The following XIST variants were observed in gnomAD, a reference collection of about 807,000 sequenced individuals.
XIST encodes X inactive specific transcript.
At chrX:73,827,930 T>G in exon 6 of XIST, 1 of 524,032 alleles carries the variant, frequency 1.9e-6, no homozygotes, top group East Asian at 3.5e-5. Flanking sequence ...TAAGACACAC[T>G]TTAGATAGAG....
exon 6 of XIST, chrX:73,820,941 C>A: frequency 1.8e-6 from 1 of 558,913 alleles, no homozygotes; most frequent in Admixed American, 2.2e-5. Context: ...CAGATTTATT[C>A]ATCACAACTT....
rs769899884 is a variant in XIST at position 73,844,464 on chromosome X, T to G, written n.8260A>C. The G allele has an allele frequency of 5.4e-6, 3 of 559,006 alleles. No homozygotes were observed. The South Asian group carries it at 6.7e-5, about 12-fold the overall frequency. 46.1% of individuals were successfully genotyped at this position (559,006 alleles called of 1,213,427 possible). On this transcript the variant is annotated non_coding_transcript_exon_variant, in exon 1 of 6. Coordinates refer to ENST00000429829, the Ensembl canonical transcript of XIST. ...TCAGTGATCAGCACCCCAGCTATACTGCAAAGGGGGTCTGAGAGTAGGACT... is the reference window on the plus strand; with the variant it reads ...TCAGTGATCAGCACCCCAGCTATACGGCAAAGGGGGTCTGAGAGTAGGACT...
exon 1 of XIST, chrX:73,843,670 T>C (rs1460129229): frequency 1.8e-6 from 1 of 556,772 alleles, no homozygotes; most frequent in Non-Finnish European, 3.2e-6. Context: ...GCAAAGGTGG[T>C]ACAGGAACAT....
exon 1 of XIST, chrX:73,851,330 G>C (rs766345012): frequency 3.6e-6 from 2 of 557,716 alleles, no homozygotes; most frequent in African/African-American, 4.5e-5. Context: ...ACACAGCAAA[G>C]ACAAAGAGGC....
chrX:73,826,482 A>G (rs1260603860), exon 6 of XIST: 1 of 557,764 alleles, frequency 1.8e-6, no homozygotes, highest in Non-Finnish European at 3.2e-6. Context: ...TGTGATTTAA[A>G]GCTGGCTCAA....
At position 73,850,655 on chromosome X, in the gene XIST, G is replaced by C. The variant is rs1922898376; in HGVS notation, n.2069C>G. The C allele has an allele frequency of 8.3e-6, 4 of 481,678 alleles. No individual in the cohort carries two copies. The East Asian group carries it at 1.5e-4, about 18-fold the overall frequency. The allele number at this position is 481,678 out of a possible 1,213,427, so 39.7% of individuals were successfully genotyped here. A position where few individuals can be genotyped will look rare whatever the true frequency, so the allele number is the denominator to read the frequency against. On this transcript the variant is annotated non_coding_transcript_exon_variant, in exon 1 of 6. Transcript: ENST00000429829. The stretch of plus-strand genomic sequence containing the variant: ...AAGCAGGCCTGGAGCACTGCCCATG[G>C]CAACAGTGCAGTGCAGGGCAGACCA...
intron 3 of XIST, chrX:73,833,146 C>A (rs987509795): frequency 8.3e-6 from 4 of 479,056 alleles, no homozygotes; most frequent in African/African-American, 7.1e-5. Flanking sequence ...GCAGGAGCCA[C>A]CATGCCCAGC....
At chrX:73,850,858 G>A (rs1922918228) in exon 1 of XIST, 3 of 531,716 alleles carry the variant, frequency 5.6e-6, no homozygotes, top group African/African-American at 2.3e-5. Context: ...AGCACTGCAA[G>A]AGGCAGCACT....
chrX:73,825,715 C>T (rs1922234765), exon 6 of XIST: 2 of 513,472 alleles, frequency 3.9e-6, no homozygotes, highest in Admixed American at 2.7e-5. Context: ...TGACCCCTTA[C>T]AGAAAAACTG....
intron 2 of XIST, among the ~76,000 whole-genome samples, chrX:73,834,804 G>A (rs1317431628): frequency 1.2e-5 from 1 of 85,526 alleles, no homozygotes; most frequent in East Asian, 4.2e-4. Flanking sequence ...TGGCCAACAC[G>A]GCAAAACTCC....
intron 1 of XIST, among the ~76,000 whole-genome samples, chrX:73,838,772 A>AT (rs1220562994): frequency 8.9e-6 from 1 of 111,735 alleles, no homozygotes; most frequent in Non-Finnish European, 1.9e-5. Context: ...TATGTCTTAA[A>AT]TACATGAGCT....
At chrX:73,849,251 G>A in exon 1 of XIST, 1 of 558,816 alleles carries the variant, frequency 1.8e-6, no homozygotes, top group Non-Finnish European at 3.2e-6. Flanking sequence ...AGCGCAGTAG[G>A]GTGCCTTTGT....
chrX:73,836,505 T>C (rs761930573), intron 2 of XIST, among the ~76,000 whole-genome samples: 1 of 111,715 alleles, frequency 9.0e-6, no homozygotes, highest in Admixed American at 9.6e-5. Context: ...TAATGATCCA[T>C]GTGGCAATGA....
rs1346194360 is a variant in XIST at position 73,821,409 on chromosome X, CAAG to C, written n.18489_18491del. On this transcript the variant is annotated non_coding_transcript_exon_variant, in exon 6 of 6. Transcript: ENST00000429829. ...CTTCAGCTTTAAGATAATCTTATGA[CAAG>C]AAGGGTCACACTGATTCACTTAATA... The C allele has an allele frequency of 5.4e-6, 3 of 555,624 alleles. No individual in the cohort carries two copies. The African/African-American group carries it at 6.7e-5, about 12-fold the overall frequency. The allele number at this position is 555,624 out of a possible 1,213,427, so 45.8% of individuals were successfully genotyped here. A position where few individuals can be genotyped will look rare whatever the true frequency, so the allele number is the denominator to read the frequency against.
At chrX:73,851,841 A>C (rs780877436) in exon 1 of XIST, 67 of 556,495 alleles carry the variant, frequency 1.2e-4, no homozygotes, top group African/African-American at 1.1e-4. Flanking sequence ...TTTCCTCCAC[A>C]ATCTGAACAC....
chrX:73,826,800 G>C (rs1460290751), exon 6 of XIST: 1 of 558,151 alleles, frequency 1.8e-6, no homozygotes, highest in Admixed American at 2.2e-5. Flanking sequence ...TCCATCCTTG[G>C]GTTGTAGGTC....
At chrX:73,826,858 C>T (rs1267594724) in exon 6 of XIST, 1 of 556,719 alleles carries the variant, frequency 1.8e-6, no homozygotes, top group Non-Finnish European at 3.2e-6. Context: ...CCTTGTGTCA[C>T]AAGTCTCAGT....
At chrX:73,850,642 A>G in exon 1 of XIST, 1 of 502,459 alleles carries the variant, frequency 2.0e-6, no homozygotes, top group Non-Finnish European at 3.5e-6. Flanking sequence ...GCAGGCCTGG[A>G]GCACTGCCCA....
chrX:73,830,826 T>C (rs1922365776), intron 4 of XIST, among the ~76,000 whole-genome samples: 1 of 111,780 alleles, frequency 8.9e-6, no homozygotes, highest in Non-Finnish European at 1.9e-5. Flanking sequence ...CTCTGCCACG[T>C]GCTATAGTCC....
Sources: allele counts gnomAD v4.1 joint callset (sites outside exome capture counted in the v4.1 genomes callset), GRCh38; gene constraint gnomAD v4.1.1; transcripts MANE v1.5; gene names NCBI Gene and HGNC (gene_info 2026-07-23, HGNC 2026-07-21).